The following KHDRBS2 variants were observed in gnomAD, a reference collection of about 807,000 sequenced individuals.
KHDRBS2 encodes the protein KH domain-containing, RNA-binding, signal transduction-associated protein 2.
KHDRBS2 carries 26 observed loss-of-function variants against 44.3 expected under a neutral mutation model. That is an observed-to-expected ratio of 0.59 (90% CI 0.43 to 0.81). KHDRBS2 has a LOEUF of 0.81. KHDRBS2 is among the 40% of genes least tolerant of loss of function. The pLI is 0.00. For missense variants in KHDRBS2, 476 were observed against 433.1 expected, an observed-to-expected ratio of 1.10 and a Z score of -0.88; for synonymous variants, 194 against 151.1, an observed-to-expected ratio of 1.28 and a Z score of -2.08.
downstream of KHDRBS2, among the ~76,000 whole-genome samples, chr6:61,676,107 A>T (rs139257992): frequency 3.3e-3 from 506 of 151,902 alleles, 1 homozygote; most frequent in Non-Finnish European, 5.8e-3. Context: ...AAGAGAAGGC[A>T]TCCTCTGTTC....
rs140134734 is a variant in KHDRBS2, at chr6:62,026,989, T to G, written c.336+20889A>C. Among the ~76,000 whole-genome samples, 42 of 152,018 alleles carry G rather than the reference T, an allele frequency of 2.8e-4. 1 individual carries two copies. The East Asian group carries it at 7.0e-3, about 25-fold the overall frequency. ...TTTGTCCAGGAAAATTTTATTCCAA[T>G]TATGGTTTTTAATTCTTATTTCCTT... On this transcript the variant is annotated intron_variant, in intron 3 of 8. Coordinates refer to ENST00000281156, the MANE Select transcript of KHDRBS2 (RefSeq NM_152688.4).
intron 6 of KHDRBS2, among the ~76,000 whole-genome samples, chr6:61,822,236 T>A (rs1790033464): frequency 6.6e-6 from 1 of 152,012 alleles, no homozygotes; most frequent in African/African-American, 2.4e-5. Context: ...GAAGTTCATC[T>A]TCTTTTCCCA....
intron 3 of KHDRBS2, among the ~76,000 whole-genome samples, chr6:62,040,563 G>A (rs1786256985): frequency 6.6e-6 from 1 of 152,000 alleles, no homozygotes; most frequent in Non-Finnish European, 1.5e-5. Context: ...AATGGCTAAG[G>A]ACTGGAATAA....
chr6:62,106,864 C>A (rs1317042089), intron 2 of KHDRBS2, among the ~76,000 whole-genome samples: 2 of 151,882 alleles, frequency 1.3e-5, no homozygotes, highest in Admixed American at 1.3e-4. Flanking sequence ...TCAATAGATG[C>A]AGAAAAGGCC....
chr6:62,100,067 T>A (rs1801513449), intron 2 of KHDRBS2, among the ~76,000 whole-genome samples: 1 of 101,948 alleles, frequency 9.8e-6, no homozygotes, highest in South Asian at 3.0e-4. Context: ...ACATTTATGA[T>A]TTGTGGGAAA....
At chr6:62,094,147 A>G (rs1302073712) in intron 2 of KHDRBS2, among the ~76,000 whole-genome samples, 2 of 151,948 alleles carry the variant, frequency 1.3e-5, no homozygotes, top group South Asian at 2.1e-4. Context: ...TACAACTCCA[A>G]TTCCACCAGT....
At chr6:61,558,364 C>A in the KHDRBS2 span, among the ~76,000 whole-genome samples, 1 of 152,048 alleles carries the variant, frequency 6.6e-6, no homozygotes, top group African/African-American at 2.4e-5. Flanking sequence ...GAGCTTGATA[C>A]CAGCCTGAGC....
Position 62,007,191 on chromosome 6 carries a change from A to G in KHDRBS2, c.337-28979T>C, listed in dbSNP as rs572612020. Among the ~76,000 whole-genome samples the G allele has an allele frequency of 4.6e-5, 7 of 152,190 alleles. No homozygotes were observed. In the South Asian group the frequency reaches 1.4e-3, roughly 32 times the overall value. ...TCCAGTTGTACTTTTTCAAAAATTAAGCCTCTTCCATTTCTCCAGAGTCTT... is the reference window on the plus strand; with the variant it reads ...TCCAGTTGTACTTTTTCAAAAATTAGGCCTCTTCCATTTCTCCAGAGTCTT... On this transcript the variant is annotated intron_variant, in intron 3 of 8. Coordinates refer to ENST00000281156, the MANE Select transcript of KHDRBS2 (RefSeq NM_152688.4).
chr6:62,040,309 A>G (rs1786190845), intron 3 of KHDRBS2, among the ~76,000 whole-genome samples: 1 of 152,082 alleles, frequency 6.6e-6, no homozygotes, highest in South Asian at 2.1e-4. Flanking sequence ...TCGCCATTAG[A>G]AGGCAGCAGA....
At chr6:62,215,041 AT>A (rs1829744592) in intron 1 of KHDRBS2, among the ~76,000 whole-genome samples, 1 of 151,912 alleles carries the variant, frequency 6.6e-6, no homozygotes, top group Non-Finnish European at 1.5e-5. Context: ...TGAATTTTCC[AT>A]TGTTTCCTTA....
At chr6:62,099,350 C>G (rs1801341730) in intron 2 of KHDRBS2, among the ~76,000 whole-genome samples, 1 of 152,194 alleles carries the variant, frequency 6.6e-6, no homozygotes, top group Admixed American at 6.5e-5. Flanking sequence ...AGTTTCACCT[C>G]TAAATAGTGC....
chr6:61,714,810 A>G (rs1771111727), intron 7 of KHDRBS2, among the ~76,000 whole-genome samples: 1 of 151,872 alleles, frequency 6.6e-6, no homozygotes, highest in Admixed American at 6.6e-5. Flanking sequence ...AAAGACAAAT[A>G]CTGCATTTCT....
intron 1 of KHDRBS2, among the ~76,000 whole-genome samples, chr6:62,222,375 G>C (rs1831048401): frequency 6.6e-6 from 1 of 152,094 alleles, no homozygotes; most frequent in African/African-American, 2.4e-5. Flanking sequence ...GGCTGGAGAG[G>C]CCTCAAAATC....
At chr6:61,855,787 C>A (rs563296333) in intron 6 of KHDRBS2, among the ~76,000 whole-genome samples, 5 of 152,060 alleles carry the variant, frequency 3.3e-5, no homozygotes, top group African/African-American at 1.2e-4. Context: ...TTTGGCGGGG[C>A]AGTTCTGAAG....
chr6:62,033,482 A>G (rs763108658), intron 3 of KHDRBS2, among the ~76,000 whole-genome samples: 3 of 151,902 alleles, frequency 2.0e-5, no homozygotes, highest in Non-Finnish European at 4.4e-5. Flanking sequence ...GAAACAAATA[A>G]CATACAATGG....
At chr6:61,732,933 T>A (rs1292419931) in intron 6 of KHDRBS2, among the ~76,000 whole-genome samples, 169 bp from the exon 7 acceptor site, 1 of 152,214 alleles carries the variant, frequency 6.6e-6, no homozygotes, top group East Asian at 1.9e-4. Flanking sequence ...ACTTAAATAA[T>A]ATTTCATGGA....
chr6:62,128,725 G>C (rs1809553182), intron 2 of KHDRBS2, among the ~76,000 whole-genome samples: 1 of 151,334 alleles, frequency 6.6e-6, no homozygotes, highest in Non-Finnish European at 1.5e-5. Context: ...TATATTTTTA[G>C]TGTAGATGTT....
intron 6 of KHDRBS2, among the ~76,000 whole-genome samples, chr6:61,866,503 C>T (rs73478925): frequency 0.01 from 1,592 of 152,314 alleles, 30 homozygotes; most frequent in African/African-American, 0.037. Context: ...GTGAAAACCT[C>T]TGACATGCTC....
In KHDRBS2 at chr6:61,788,538, T is replaced by C. The variant is rs573044356; in HGVS notation, c.811-55774A>G. On this transcript the variant is annotated intron_variant, in intron 6 of 8. Coordinates refer to ENST00000281156, the MANE Select transcript of KHDRBS2 (RefSeq NM_152688.4). ...TAGTATCTCACATATTCCTATTTGG[T>C]TTTTGAAAAAGAGTTTCACATATTT... 8.6e-5 allele frequency among the ~76,000 whole-genome samples: 13 copies of C among 151,558 alleles called. No homozygotes were observed. The East Asian group carries it at 2.5e-3, about 29-fold the overall frequency.
Sources: allele counts gnomAD v4.1 joint callset (sites outside exome capture counted in the v4.1 genomes callset), GRCh38; gene constraint gnomAD v4.1.1; transcripts MANE v1.5; gene names NCBI Gene and HGNC (gene_info 2026-07-23, HGNC 2026-07-21).